Variants in BIRC6 observed in about 807,000 individuals in gnomAD.
BIRC6 encodes the protein baculoviral IAP repeat containing 6.
BIRC6 carries 98 observed loss-of-function variants against 503.3 expected under a neutral mutation model. The ratio of observed to expected loss-of-function variants is 0.19; its 90% CI spans 0.17 to 0.23. BIRC6 has a LOEUF of 0.23. BIRC6 is among the 10% of genes least tolerant of loss of function. BIRC6 has a pLI of 1.00. For missense variants in BIRC6, 5,360 were observed against 5,806.0 expected, an observed-to-expected ratio of 0.92 and a Z score of 2.50; for synonymous variants, 2,240 against 2,078.7, an observed-to-expected ratio of 1.08 and a Z score of -2.11.
intron 1 of BIRC6, among the ~76,000 whole-genome samples, chr2:32,371,450 C>T (rs2035936115): frequency 1.3e-5 from 2 of 151,966 alleles, no homozygotes; most frequent in South Asian, 4.2e-4. Context: ...TCTCAGCTCA[C>T]TGCAACCTCT....
At chr2:32,372,051 C>T (rs548146790) in intron 1 of BIRC6, among the ~76,000 whole-genome samples, 1 of 152,148 alleles carries the variant, frequency 6.6e-6, no homozygotes, top group East Asian at 1.9e-4. Context: ...GTGATCCGCC[C>T]GCCTCGGCCT....
chr2:32,375,252 A>AT (rs565600071), intron 1 of BIRC6, among the ~76,000 whole-genome samples: 43 of 152,194 alleles, frequency 2.8e-4, no homozygotes, highest in Admixed American at 9.8e-4. Flanking sequence ...TTATATCCTG[A>AT]TTTTTTAGTG....
intron 62 of BIRC6, among the ~76,000 whole-genome samples, chr2:32,543,909 G>A (rs2057861097): frequency 6.6e-6 from 1 of 152,152 alleles, no homozygotes; most frequent in South Asian, 2.1e-4. Flanking sequence ...CAGTACTCTT[G>A]AGTGCAGTAT....
At chr2:32,477,242 T>C in intron 34 of BIRC6, 126 bp from the exon 35 acceptor site, 1 of 761,422 alleles carries the variant, frequency 1.3e-6, no homozygotes, top group East Asian at 2.7e-5. Context: ...AAACTTACAG[T>C]GTATCTAAAA....
chr2:32,540,860 A>G (rs921173805), intron 61 of BIRC6, among the ~76,000 whole-genome samples: 2 of 152,058 alleles, frequency 1.3e-5, no homozygotes, highest in African/African-American at 2.4e-5. Flanking sequence ...GTTGTTAGCT[A>G]TAATGAAAAA....
intron 39 of BIRC6, among the ~76,000 whole-genome samples, chr2:32,484,238 G>T (rs981765493): frequency 2.7e-5 from 4 of 150,378 alleles, no homozygotes; most frequent in Non-Finnish European, 4.4e-5. Context: ...TAACTATCCT[G>T]TTCCTCACAA....
At chr2:32,600,444 G>A (rs892376939) in intron 70 of BIRC6, among the ~76,000 whole-genome samples, 1 of 152,176 alleles carries the variant, frequency 6.6e-6, no homozygotes, top group Non-Finnish European at 1.5e-5. Flanking sequence ...CCTCAGATAT[G>A]TGGCAGATAT....
intron 3 of BIRC6, among the ~76,000 whole-genome samples, chr2:32,387,301 C>CTTT (rs1281320241): frequency 2.4e-5 from 3 of 123,446 alleles, no homozygotes; most frequent in African/African-American, 9.0e-5. Context: ...CATTCTCCCT[C>CTTT]TTTTTTTTTT....
intron 65 of BIRC6, among the ~76,000 whole-genome samples, chr2:32,572,565 C>G (rs2059987342): frequency 6.6e-6 from 1 of 152,158 alleles, no homozygotes; most frequent in Non-Finnish European, 1.5e-5. Flanking sequence ...TTTCCACATC[C>G]TCACAAGTAC....
At chr2:32,597,157 A>G (rs2061727314) in intron 68 of BIRC6, among the ~76,000 whole-genome samples, 1 of 152,248 alleles carries the variant, frequency 6.6e-6, no homozygotes, top group Non-Finnish European at 1.5e-5. Flanking sequence ...ACAACTTGAT[A>G]CTTACTAACT....
At position 32,618,024 on chromosome 2, in the gene BIRC6, C is replaced by T; in HGVS notation, c.*120C>T. ...AATGAAACTGAAACTATACTATGCC[C>T]TTAAGGAGATCCAGTTTAATTCAAG... On this transcript the variant is annotated 3_prime_UTR_variant, in exon 74 of 74. Coordinates refer to ENST00000421745, the MANE Select transcript of BIRC6 (RefSeq NM_016252.4). The T allele has an allele frequency of 1.0e-6, 1 of 955,346 alleles. No individual in the cohort carries two copies. The allele number at this position is 955,346 out of a possible 1,614,324, so 59.2% of individuals were successfully genotyped here.
At chr2:32,480,721 A>G (rs760361485) in intron 37 of BIRC6, among the ~76,000 whole-genome samples, 8 of 130,048 alleles carry the variant, frequency 6.2e-5, no homozygotes, top group Non-Finnish European at 1.1e-4. Flanking sequence ...AGCTCACTGC[A>G]CCCTCTGCCT....
In BIRC6 at chr2:32,436,037, G is replaced by C; in HGVS notation, c.3500-16G>C. 7.5e-7 allele frequency: 1 copy of C among 1,325,754 alleles called. No individual in the cohort carries two copies. The highest frequency in any genetic ancestry group is 1.0e-6 in the Non-Finnish European group (1 of 1,003,564). 82.1% of individuals were successfully genotyped at this position (1,325,754 alleles called of 1,614,324 possible). A position where few individuals can be genotyped will look rare whatever the true frequency, so the allele number is the denominator to read the frequency against. Reference sequence around the variant, plus strand: ...ATGAATGAATTTAAAAGAAAAATATGTATTTTTCTTTTTAGGTCTTAGATT... The same window carrying C: ...ATGAATGAATTTAAAAGAAAAATATCTATTTTTCTTTTTAGGTCTTAGATT... On this transcript the variant is annotated splice_polypyrimidine_tract_variant and intron_variant, in intron 14 of 73. Transcript: ENST00000421745.
intron 26 of BIRC6, among the ~76,000 whole-genome samples, chr2:32,466,763 C>T (rs1440071188): frequency 2.0e-5 from 3 of 152,146 alleles, no homozygotes; most frequent in Non-Finnish European, 4.4e-5. Context: ...ATTGCCTTAA[C>T]TGTAACAGTA....
At chr2:32,590,501 A>G (rs2061328597) in intron 66 of BIRC6, among the ~76,000 whole-genome samples, 1 of 152,226 alleles carries the variant, frequency 6.6e-6, no homozygotes, top group Non-Finnish European at 1.5e-5. Flanking sequence ...TTTTTGGATT[A>G]TAAAATACCA....
intron 8 of BIRC6, among the ~76,000 whole-genome samples, chr2:32,401,844 A>G (rs1367668038): frequency 6.6e-6 from 1 of 152,240 alleles, no homozygotes; most frequent in African/African-American, 2.4e-5. Context: ...TTCTATCACA[A>G]TCTATGTCAA....
chr2:32,462,919 C>T (rs915175597), intron 23 of BIRC6, among the ~76,000 whole-genome samples: 3 of 149,852 alleles, frequency 2.0e-5, no homozygotes, highest in African/African-American at 7.4e-5. Context: ...CACGCCGCTG[C>T]ACTCCAGCCT....
intron 6 of BIRC6, among the ~76,000 whole-genome samples, chr2:32,398,803 AAGGTACGCTAGATTT>A (rs932301178): frequency 5.9e-5 from 9 of 152,246 alleles, no homozygotes; most frequent in African/African-American, 2.2e-4. Flanking sequence ...GGAAAGGGGT[AAGGTACGCTAGATTT>A]AGCTGGGAGG....
At chr2:32,519,068 A>T (rs976287347) in intron 57 of BIRC6, 122 bp downstream of exon 57, 13 of 955,390 alleles carry the variant, frequency 1.4e-5, no homozygotes, top group Admixed American at 7.4e-5. Flanking sequence ...AGGAAAGTTC[A>T]AGACATCTTT....
Sources: allele counts gnomAD v4.1 joint callset (sites outside exome capture counted in the v4.1 genomes callset), GRCh38; gene constraint gnomAD v4.1.1; transcripts MANE v1.5; gene names NCBI Gene and HGNC (gene_info 2026-07-23, HGNC 2026-07-21).